Variants in LEPR observed in about 807,000 individuals in gnomAD.
The protein encoded by LEPR is leptin receptor.
In LEPR, 56 loss-of-function variants were observed where a neutral mutation model predicts 114.7. The observed-to-expected ratio is 0.49, with a 90% CI of 0.39 to 0.61. The LOEUF (loss-of-function observed/expected upper bound fraction) is 0.61. Ranked by LOEUF, LEPR falls within the 20% of genes least tolerant of loss-of-function variation. The pLI is 0.00. For missense variants in LEPR, 1,202 were observed against 1,352.9 expected (o/e 0.89, Z 1.75); for synonymous variants, 443 against 461.4 (o/e 0.96, Z 0.51).
Position 65,504,473 on chromosome 1 carries a change from C to T in LEPR, c.-20-61073C>T, listed in dbSNP as rs532621569. ...CTCTTGTATGATGCAATGGAAATGA[C>T]ACTTAACTTCTGTGGTCTTCCTCTG... is the stretch of plus-strand genomic sequence containing the variant. On this transcript the variant is annotated intron_variant, in intron 2 of 19. Coordinates refer to ENST00000349533, the MANE Select transcript of LEPR (RefSeq NM_002303.6). 2.6e-5 allele frequency among the ~76,000 whole-genome samples: 4 copies of T among 152,318 alleles called. No homozygotes were observed. The East Asian group carries it at 7.7e-4, about 29-fold the overall frequency.
chr1:65,456,899 T>C (rs1311273054), intron 2 of LEPR, among the ~76,000 whole-genome samples: 1 of 152,188 alleles, frequency 6.6e-6, no homozygotes, highest in Non-Finnish European at 1.5e-5. Context: ...CTTCCACTCT[T>C]TTTCTGTCTT....
chr1:65,532,280 A>T (rs964339670), intron 2 of LEPR, among the ~76,000 whole-genome samples: 2 of 151,982 alleles, frequency 1.3e-5, no homozygotes, highest in Non-Finnish European at 2.9e-5. Flanking sequence ...GTTCAGGGAA[A>T]CTCCATCATT....
At chr1:65,516,903 C>G (rs934028999) in intron 2 of LEPR, among the ~76,000 whole-genome samples, 1 of 152,184 alleles carries the variant, frequency 6.6e-6, no homozygotes, top group Non-Finnish European at 1.5e-5. Context: ...CCCCATCACC[C>G]TTTTCCCTTC....
chr1:65,501,231 A>G (rs1358876614), intron 2 of LEPR, among the ~76,000 whole-genome samples: 1 of 151,988 alleles, frequency 6.6e-6, no homozygotes, highest in Non-Finnish European at 1.5e-5. Flanking sequence ...TTATTATCTC[A>G]GAATTCTGGA....
chr1:65,599,308 A>T (rs1656286478), intron 8 of LEPR, among the ~76,000 whole-genome samples: 1 of 152,100 alleles, frequency 6.6e-6, no homozygotes, highest in South Asian at 2.1e-4. Context: ...CTGATGCGCA[A>T]AGTTTTGCAT....
chr1:65,569,010 A>G (rs1279605434), intron 3 of LEPR, among the ~76,000 whole-genome samples: 1 of 151,456 alleles, frequency 6.6e-6, no homozygotes, highest in Admixed American at 6.6e-5. Flanking sequence ...CCTTCTTTTT[A>G]ATGGGATTAT....
chr1:65,564,022 GC>G (rs1653492121), intron 2 of LEPR, among the ~76,000 whole-genome samples: 1 of 145,378 alleles, frequency 6.9e-6, no homozygotes, highest in South Asian at 2.3e-4. Flanking sequence ...TCTGTGCCCT[GC>G]CCCCAGAGGT....
At chr1:65,531,254 A>T (rs1323758446) in intron 2 of LEPR, among the ~76,000 whole-genome samples, 1 of 152,136 alleles carries the variant, frequency 6.6e-6, no homozygotes, top group African/African-American at 2.4e-5. Flanking sequence ...CCTGCCTTGA[A>T]TGCTTGTCCT....
At chr1:65,527,267 T>G (rs990113578) in intron 2 of LEPR, among the ~76,000 whole-genome samples, 29 of 152,230 alleles carry the variant, frequency 1.9e-4, no homozygotes, top group African/African-American at 6.8e-4. Flanking sequence ...GCTGTGAAAT[T>G]AAGCACAATA....
chr1:65,421,585 T>C, intron 1 of LEPR: 1 of 1,069,166 alleles, frequency 9.4e-7, no homozygotes. Context: ...TATAAACATG[T>C]AGATAGTATA....
chr1:65,558,547 T>TTTTTTTTTTTTTTTTTTTTTTTTA (rs1653033991), intron 2 of LEPR, among the ~76,000 whole-genome samples: 1 of 32,132 alleles, frequency 3.1e-5, no homozygotes, highest in African/African-American at 1.0e-4. Flanking sequence ...TGTTTTTTTT[T>TTTTTTTTTTTTTTTTTTTTTTTTA]TGTTTTTTTT....
intron 2 of LEPR, among the ~76,000 whole-genome samples, chr1:65,538,709 T>C (rs1340551601): frequency 6.6e-6 from 1 of 152,114 alleles, no homozygotes; most frequent in African/African-American, 2.4e-5. Context: ...CTTTAGTGAT[T>C]TTTTTCTTCT....
chr1:65,513,280 A>G (rs1474091126), intron 2 of LEPR, among the ~76,000 whole-genome samples: 9 of 152,230 alleles, frequency 5.9e-5, no homozygotes, highest in African/African-American at 4.8e-5. Flanking sequence ...AAAAGGGAAT[A>G]AATACTTTGA....
chr1:65,607,936 G>A (rs1016038717), intron 11 of LEPR, among the ~76,000 whole-genome samples: 1 of 152,056 alleles, frequency 6.6e-6, no homozygotes, highest in Non-Finnish European at 1.5e-5. Flanking sequence ...AACATGTCTT[G>A]TTATGTACAT....
At chr1:65,589,017 T>C (rs1655509796) in intron 5 of LEPR, among the ~76,000 whole-genome samples, 2 of 152,140 alleles carry the variant, frequency 1.3e-5, no homozygotes, top group South Asian at 4.1e-4. Context: ...AATTGTATCA[T>C]TTTACATTCC....
intron 2 of LEPR, among the ~76,000 whole-genome samples, chr1:65,451,338 A>G (rs1646782134): frequency 1.3e-5 from 2 of 152,222 alleles, no homozygotes; most frequent in Middle Eastern, 3.4e-3. Context: ...TGTTTTAGAC[A>G]TGAAGTCCTT....
At chr1:65,455,130 C>A (rs181729973) in intron 2 of LEPR, among the ~76,000 whole-genome samples, 11,830 of 152,184 alleles carry the variant, frequency 0.078, 563 homozygotes, top group African/African-American at 0.13. Context: ...GTTTTCAGCT[C>A]CATCAGCTCC....
intron 5 of LEPR, among the ~76,000 whole-genome samples, chr1:65,574,566 A>G (rs1479950228): frequency 6.6e-6 from 1 of 152,202 alleles, no homozygotes; most frequent in Non-Finnish European, 1.5e-5. Flanking sequence ...GAGTCAGACT[A>G]CCTGGCTGTA....
chr1:65,568,931 T>C (rs1653962001), intron 3 of LEPR, among the ~76,000 whole-genome samples: 1 of 152,226 alleles, frequency 6.6e-6, no homozygotes, highest in Non-Finnish European at 1.5e-5. Flanking sequence ...ATTAGTGATA[T>C]TGGGCATTTT....
Sources: allele counts gnomAD v4.1 joint callset (sites outside exome capture counted in the v4.1 genomes callset), GRCh38; gene constraint gnomAD v4.1.1; transcripts MANE v1.5; gene names NCBI Gene and HGNC (gene_info 2026-07-23, HGNC 2026-07-21).